The following SCARA5 variants were observed in gnomAD, a reference collection of about 807,000 sequenced individuals.
The protein encoded by SCARA5 is scavenger receptor class A member 5.
A neutral mutation model predicts 46.3 loss-of-function variants in SCARA5; 45 were observed. That is an observed-to-expected ratio of 0.97 (90% confidence interval 0.76 to 1.24). SCARA5 has a LOEUF of 1.24. SCARA5 is among the 50% of genes most tolerant of loss of function. The pLI, the probability that SCARA5 is intolerant of heterozygous loss-of-function variation, is 0.00. For synonymous variants in SCARA5, 333 were observed against 306.5 expected (o/e 1.09, Z -0.90); for missense variants, 680 against 689.0 (o/e 0.99, Z 0.15).
rs142719555 is a variant in SCARA5 at position 27,961,991 on chromosome 8, A to T, written c.241+4423T>A. ...AGGCAGAAATTTTTGTAAAGATAAA[A>T]CTGTACATAATACCCTTCCTTGTTC... is the stretch of plus-strand genomic sequence containing the variant. On this transcript the variant is annotated intron_variant, in intron 3 of 8. Transcript: ENST00000354914. 8.5e-5 allele frequency among the ~76,000 whole-genome samples: 13 copies of T among 152,320 alleles called. No individual in the cohort carries two copies. In the East Asian group the frequency reaches 2.5e-3, roughly 29 times the overall value.
At chr8:27,953,592 G>T (rs1325823443) in intron 3 of SCARA5, among the ~76,000 whole-genome samples, 3 of 152,250 alleles carry the variant, frequency 2.0e-5, no homozygotes, top group African/African-American at 4.8e-5. Context: ...GAAGTCCCCA[G>T]TGCCCTTCAC....
chr8:27,991,357 C>G (rs1251842319), intron 1 of SCARA5, among the ~76,000 whole-genome samples: 6 of 152,192 alleles, frequency 3.9e-5, no homozygotes, highest in Non-Finnish European at 8.8e-5. Flanking sequence ...GCCTGGCAGC[C>G]AGGTAAGGGG....
chr8:27,969,027 AG>A (rs1469831863), intron 2 of SCARA5, among the ~76,000 whole-genome samples: 1 of 152,168 alleles, frequency 6.6e-6, no homozygotes. Context: ...GAACATAATG[AG>A]GGTTTCAAAT....
chr8:27,895,215 A>G lies in SCARA5; in HGVS notation c.1153+9563T>C, dbSNP rs1301619942. On this transcript the variant is annotated intron_variant, in intron 7 of 8. Transcript: ENST00000354914. Reference sequence around the variant, plus strand: ...TTCTGCAGCTGCAGAGTAGAGCCCTAGGGATAATTCGGACCATCTGCCCAT... The same window carrying G: ...TTCTGCAGCTGCAGAGTAGAGCCCTGGGGATAATTCGGACCATCTGCCCAT... Among the ~76,000 whole-genome samples, 4 of 152,196 alleles carry G rather than the reference A, an allele frequency of 2.6e-5. No individual in the cohort carries two copies. The East Asian group carries it at 7.7e-4, about 29-fold the overall frequency.
chr8:27,952,453 C>T (rs1808143047), intron 3 of SCARA5, among the ~76,000 whole-genome samples: 2 of 152,172 alleles, frequency 1.3e-5, no homozygotes, highest in African/African-American at 4.8e-5. Flanking sequence ...AGTCCTTGCA[C>T]AGGGAGTGGT....
intron 1 of SCARA5, among the ~76,000 whole-genome samples, chr8:27,989,221 C>A (rs560679926): frequency 6.7e-6 from 1 of 148,510 alleles, no homozygotes; most frequent in East Asian, 2.0e-4. Flanking sequence ...CTGCAACCTC[C>A]GCCTCCCGGG....
At chr8:27,924,139 C>T (rs551105585) in intron 3 of SCARA5, among the ~76,000 whole-genome samples, 12 of 152,244 alleles carry the variant, frequency 7.9e-5, no homozygotes, top group East Asian at 5.8e-4. Context: ...GTCCTGTCCA[C>T]GGCTGTTCCC....
At chr8:27,949,718 C>A (rs935431596) in intron 3 of SCARA5, among the ~76,000 whole-genome samples, 1 of 152,220 alleles carries the variant, frequency 6.6e-6, no homozygotes, top group Non-Finnish European at 1.5e-5. Flanking sequence ...CTCACGCCCA[C>A]GGTACCCGGA....
Position 27,869,989 on chromosome 8 carries a change from T to C in SCARA5, c.*1945A>G, listed in dbSNP as rs1471937181. 6.6e-6 allele frequency: 1 copy of C among 152,262 alleles called. No homozygotes were observed. Among genetic ancestry groups the C allele is most frequent in the East Asian group, 1.9e-4 (1 of 5,200 alleles). 9.4% of individuals were successfully genotyped at this position (152,262 alleles called of 1,614,324 possible). ...TCCCTGAAATGCAGGCCCATGGTCATTTCCATGTCCTCTGAAGTAGGTATG... is the reference window on the plus strand; with the variant it reads ...TCCCTGAAATGCAGGCCCATGGTCACTTCCATGTCCTCTGAAGTAGGTATG... On this transcript the variant is annotated 3_prime_UTR_variant, in exon 9 of 9. Transcript: ENST00000354914.
intron 7 of SCARA5, chr8:27,903,603 T>G (rs1585476054): frequency 6.6e-6 from 1 of 152,464 alleles, no homozygotes; most frequent in East Asian, 1.9e-4. Context: ...AGTGTCCTTT[T>G]GGTTGTAGGA....
In SCARA5 at chr8:27,921,558, G is replaced by A. The variant is rs752479012; in HGVS notation, c.916+13C>T. The A allele has an allele frequency of 6.5e-7, 1 of 1,536,370 alleles. No homozygotes were observed. The highest frequency in any genetic ancestry group is 1.3e-5 in the South Asian group (1 of 78,754). On this transcript the variant is annotated intron_variant, in intron 4 of 8. Coordinates refer to ENST00000354914, the MANE Select transcript of SCARA5 (RefSeq NM_173833.6). ...AGGGGCCGTGGGTGGAGGCAGCAAG[G>A]GCCTGGCGGTACCTTTCGCGAGGGA...
Position 27,928,868 on chromosome 8 carries a change from G to A in SCARA5, c.242-6623C>T, listed in dbSNP as rs546042407. Among the ~76,000 whole-genome samples the A allele has an allele frequency of 1.8e-4, 27 of 152,180 alleles. 1 individual carries two copies. The highest frequency in any genetic ancestry group is 4.2e-4 in the South Asian group (2 of 4,816). On this transcript the variant is annotated intron_variant, in intron 3 of 8. Transcript: ENST00000354914. ...TTTAGTAGGGATGGGGTTTCGCCAC[G>A]TTGGCCAGGCTGTTCTCAAACTCCT...
At chr8:27,894,379 G>T (rs1272045191) in intron 7 of SCARA5, among the ~76,000 whole-genome samples, 2 of 152,160 alleles carry the variant, frequency 1.3e-5, no homozygotes, top group African/African-American at 4.8e-5. Flanking sequence ...AACATAAAGT[G>T]CTTTTCATCC....
Position 27,921,969 on chromosome 8 carries a change from C to T in SCARA5, c.518G>A (p.Arg173His), listed in dbSNP as rs747072623. The T allele has an allele frequency of 1.5e-5, 23 of 1,541,860 alleles. No individual in the cohort carries two copies. Among genetic ancestry groups the T allele is most frequent in the Non-Finnish European group, 1.9e-5 (22 of 1,152,462 alleles). ...TEQAVALLRD[R>H]TGQQSDTAQL... is the part of the protein sequence containing the mutation. ...CGCCGTGTCGCTCTGCTGGCCCGTG[C>T]GGTCCCGCAGCAGGGCCACCGCCTG... The change falls in exon 4 of 9, where the codon CGC becomes CAC. Residue 173 changes from arginine to histidine, a missense_variant. Coordinates refer to ENST00000354914, the MANE Select transcript of SCARA5 (RefSeq NM_173833.6).
intron 3 of SCARA5, among the ~76,000 whole-genome samples, chr8:27,938,038 T>C (rs1449997815): frequency 2.6e-5 from 4 of 152,100 alleles, no homozygotes; most frequent in Non-Finnish European, 4.4e-5. Flanking sequence ...TTCCTAAAGA[T>C]GAACTGGAAA....
At chr8:27,910,541 AG>A (rs1302855813) in intron 4 of SCARA5, among the ~76,000 whole-genome samples, 1 of 152,152 alleles carries the variant, frequency 6.6e-6, no homozygotes, top group African/African-American at 2.4e-5. Context: ...GAGGTGCCTG[AG>A]AGAAGAGCTC....
At chr8:27,875,320 T>C (rs899588577) in intron 8 of SCARA5, among the ~76,000 whole-genome samples, 1 of 152,142 alleles carries the variant, frequency 6.6e-6, no homozygotes, top group Non-Finnish European at 1.5e-5. Flanking sequence ...TTTTGGGTTT[T>C]GGAACTACAA....
intron 4 of SCARA5, among the ~76,000 whole-genome samples, chr8:27,921,025 A>AC: frequency 6.6e-6 from 1 of 151,122 alleles, no homozygotes; most frequent in East Asian, 2.0e-4. Context: ...AAACAAACAA[A>AC]AAACAGTTAC....
intron 6 of SCARA5, among the ~76,000 whole-genome samples, chr8:27,905,523 TG>T (rs5890392): frequency 0.49 from 26,334 of 53,614 alleles, 8,890 homozygotes; most frequent in East Asian, 0.89. Flanking sequence ...ATCCAAGATT[TG>T]GGGGGGGGAA....
Sources: gnomAD v4.1 joint callset for allele counts (sites outside exome capture counted in the v4.1 genomes callset) on GRCh38, gnomAD v4.1.1 for gene constraint, MANE v1.5 for transcripts, NCBI Gene and HGNC (gene_info 2026-07-23, HGNC 2026-07-21) for gene names.